The following NPAS3 variants were observed in gnomAD, a reference collection of about 807,000 sequenced individuals.
The protein encoded by NPAS3 is neuronal PAS domain protein 3.
A neutral mutation model predicts 73.1 loss-of-function variants in NPAS3; 14 were observed. The ratio of observed to expected loss-of-function variants is 0.19; its 90% CI spans 0.13 to 0.30. The LOEUF (loss-of-function observed/expected upper bound fraction) is 0.30, where lower values mean the gene tolerates loss of function less well. Among genes scored for constraint, NPAS3 ranks in the 10% least tolerant of loss-of-function variants. NPAS3 has a pLI of 1.00. For missense variants in NPAS3, 1,096 were observed against 1,250.0 expected, an observed-to-expected ratio of 0.88 and a Z score of 1.86; for synonymous variants, 620 against 541.5, an observed-to-expected ratio of 1.14 and a Z score of -2.01.
chr14:33,644,674 C>T (rs771841962), intron 5 of NPAS3, among the ~76,000 whole-genome samples: 5 of 152,120 alleles, frequency 3.3e-5, no homozygotes, highest in Non-Finnish European at 7.4e-5. Context: ...AAGCGGAACC[C>T]GGGGCTTCTC....
chr14:32,983,091 T>C (rs1283802252), intron 1 of NPAS3, among the ~76,000 whole-genome samples: 1 of 152,138 alleles, frequency 6.6e-6, no homozygotes, highest in East Asian at 1.9e-4. Context: ...ACTGTAGATG[T>C]TTGAGTAGCA....
chr14:33,152,223 C>T (rs185538397), intron 2 of NPAS3, among the ~76,000 whole-genome samples: 3 of 152,180 alleles, frequency 2.0e-5, no homozygotes, highest in Admixed American at 6.5e-5. Context: ...TTGGGCAACT[C>T]GAGTCTATAA....
chr14:33,454,744 G>A (rs961086827), intron 4 of NPAS3, among the ~76,000 whole-genome samples: 8 of 152,224 alleles, frequency 5.3e-5, no homozygotes, highest in Middle Eastern at 3.4e-3. Context: ...CTTTTCTACC[G>A]CTCAACTATT....
chr14:33,752,922 G>GA (rs1229760063), intron 7 of NPAS3, among the ~76,000 whole-genome samples: 6 of 152,068 alleles, frequency 3.9e-5, no homozygotes, highest in Non-Finnish European at 7.4e-5. Flanking sequence ...CACTTAGCAA[G>GA]AAAAATGGGC....
At chr14:33,367,388 T>A (rs2045892678) in intron 4 of NPAS3, 120 bp downstream of exon 4, 1 of 552,128 alleles carries the variant, frequency 1.8e-6, no homozygotes, top group South Asian at 2.8e-5. Context: ...TGTGATTTTA[T>A]CTTGAAATTC....
At chr14:32,944,331 G>A (rs966732848) in intron 1 of NPAS3, among the ~76,000 whole-genome samples, 8 of 152,140 alleles carry the variant, frequency 5.3e-5, no homozygotes, top group Admixed American at 2.0e-4. Context: ...TTTTATAGAC[G>A]TGTCTTTAAT....
intron 1 of NPAS3, among the ~76,000 whole-genome samples, chr14:32,958,167 G>T (rs533214092): frequency 7.2e-6 from 1 of 139,194 alleles, no homozygotes; most frequent in Admixed American, 6.9e-5. Flanking sequence ...TGACCCCTAT[G>T]GTCCACCTTG....
intron 4 of NPAS3, among the ~76,000 whole-genome samples, chr14:33,554,567 A>C (rs917714399): frequency 1.3e-5 from 2 of 152,234 alleles, no homozygotes; most frequent in South Asian, 2.1e-4. Context: ...ATAATCTGTC[A>C]TTAAAATAAC....
At chr14:33,467,441 A>G (rs893752841) in intron 4 of NPAS3, among the ~76,000 whole-genome samples, 1 of 152,214 alleles carries the variant, frequency 6.6e-6, no homozygotes, top group African/African-American at 2.4e-5. Flanking sequence ...AGGTTAAACT[A>G]CTATACACTG....
At chr14:33,605,393 T>TAAAAAA (rs57109563) in intron 5 of NPAS3, among the ~76,000 whole-genome samples, 1 of 137,376 alleles carries the variant, frequency 7.3e-6, no homozygotes, top group African/African-American at 2.6e-5. Flanking sequence ...GCATTCAAAT[T>TAAAAAA]AAAAAAAAAA....
At chr14:33,752,691 C>T (rs1020155926) in intron 7 of NPAS3, among the ~76,000 whole-genome samples, 2 of 152,136 alleles carry the variant, frequency 1.3e-5, no homozygotes, top group African/African-American at 2.4e-5. Flanking sequence ...CTGGAGCAAC[C>T]GCAGTCTAAC....
At chr14:33,703,323 C>CA (rs922113566) in intron 6 of NPAS3, among the ~76,000 whole-genome samples, 29 of 149,008 alleles carry the variant, frequency 1.9e-4, no homozygotes, top group African/African-American at 3.0e-4. Context: ...CCCATTTCTA[C>CA]AAAAAAAAAA....
intron 4 of NPAS3, among the ~76,000 whole-genome samples, chr14:33,437,901 C>A (rs912835700): frequency 1.3e-5 from 2 of 152,142 alleles, no homozygotes; most frequent in Non-Finnish European, 2.9e-5. Context: ...TCCAAGGTAG[C>A]CTATTTCTTC....
At chr14:33,668,474 C>T (rs1317544780) in intron 5 of NPAS3, among the ~76,000 whole-genome samples, 1 of 152,112 alleles carries the variant, frequency 6.6e-6, no homozygotes, top group African/African-American at 2.4e-5. Context: ...TGGAAAAAAT[C>T]ATCCCCAGAA....
At chr14:33,149,935 G>T (rs958575704) in intron 2 of NPAS3, among the ~76,000 whole-genome samples, 2 of 151,982 alleles carry the variant, frequency 1.3e-5, no homozygotes, top group Non-Finnish European at 2.9e-5. Context: ...CCCTCTCCTA[G>T]CCCCTCACCC....
chr14:33,025,764 A>C (rs1210534438), intron 1 of NPAS3, among the ~76,000 whole-genome samples: 2 of 152,096 alleles, frequency 1.3e-5, no homozygotes, highest in Non-Finnish European at 2.9e-5. Context: ...CCATATGAAG[A>C]AGTGCTTGCT....
At chr14:32,988,356 A>T (rs1566436180) in intron 1 of NPAS3, among the ~76,000 whole-genome samples, 2 of 152,220 alleles carry the variant, frequency 1.3e-5, no homozygotes, top group African/African-American at 4.8e-5. Context: ...TTCTCAGTAA[A>T]ACTAAATTAT....
chr14:32,943,083 A>G (rs2036093004), intron 1 of NPAS3, among the ~76,000 whole-genome samples: 1 of 152,206 alleles, frequency 6.6e-6, no homozygotes, highest in Non-Finnish European at 1.5e-5. Context: ...TGAAAGACAT[A>G]TAACTACTCC....
rs537237605 is a variant in NPAS3, at chr14:33,388,620, G to A, written c.468+21352G>A. 5.3e-5 allele frequency among the ~76,000 whole-genome samples: 8 copies of A among 152,174 alleles called. No homozygotes were observed. The South Asian group carries it at 1.2e-3, about 24-fold the overall frequency. On this transcript the variant is annotated intron_variant, in intron 4 of 11. Transcript: ENST00000356141. ...TTATAACTTGAGGCTCGAGCTGGGC[G>A]TTCTAGTGAGATTGCAATGGAGAAG...
Sources: allele counts gnomAD v4.1 joint callset (sites outside exome capture counted in the v4.1 genomes callset), GRCh38; gene constraint gnomAD v4.1.1; transcripts MANE v1.5; gene names NCBI Gene and HGNC (gene_info 2026-07-23, HGNC 2026-07-21).